SAR1A: variants seen among roughly 807,000 people sequenced by gnomAD.
SAR1A encodes secretion associated Ras related GTPase 1A.
Under a neutral mutation model 22.6 loss-of-function variants are expected in SAR1A, and 6 were observed. The observed-to-expected ratio is 0.27, with a 90% CI of 0.15 to 0.52. The LOEUF (loss-of-function observed/expected upper bound fraction) is 0.52, where lower values mean the gene tolerates loss of function less well. SAR1A is among the 20% of genes least tolerant of loss of function. SAR1A has a pLI of 0.96. For synonymous variants in SAR1A, 70 were observed against 82.2 expected (o/e 0.85, Z 0.80); for missense variants, 145 against 245.1 (o/e 0.59, Z 2.73).
At chr10:70,154,272 T>A (rs745413291) in intron 5 of SAR1A, among the ~76,000 whole-genome samples, 43 of 152,302 alleles carry the variant, frequency 2.8e-4, no homozygotes, top group Middle Eastern at 3.4e-3. Context: ...CCACAAACTA[T>A]CCTCAGGATG....
At chr10:70,161,146 C>G in intron 3 of SAR1A, 77 bp from the exon 4 acceptor site, 1 of 999,612 alleles carries the variant, frequency 1.0e-6, no homozygotes, top group Non-Finnish European at 1.5e-6. Flanking sequence ...AAGCCAATAT[C>G]AATGCTTTCA....
intron 1 of SAR1A, among the ~76,000 whole-genome samples, chr10:70,162,279 G>A (rs1839479545): frequency 6.6e-6 from 1 of 151,200 alleles, no homozygotes; most frequent in Non-Finnish European, 1.5e-5. Flanking sequence ...GTTTGAGGCT[G>A]CAGTGAGGCA....
chr10:70,164,235 G>A, intron 1 of SAR1A: 1 of 568,190 alleles, frequency 1.8e-6, no homozygotes, highest in Non-Finnish European at 3.2e-6. Context: ...AAAAAAATAT[G>A]CATGTATGGT....
chr10:70,159,017 C>T (rs1448394061), intron 4 of SAR1A, among the ~76,000 whole-genome samples: 1 of 152,088 alleles, frequency 6.6e-6, no homozygotes, highest in Non-Finnish European at 1.5e-5. Flanking sequence ...TCCAGATGGT[C>T]TAGGTTCAGT....
At chr10:70,166,859 G>T (rs948926382) in intron 1 of SAR1A, 1 of 151,660 alleles carries the variant, frequency 6.6e-6, no homozygotes, top group Non-Finnish European at 1.5e-5. Flanking sequence ...AATTAGTCAG[G>T]CATGGTGGCA....
chr10:70,169,614 G>A (rs1839598971), intron 1 of SAR1A, among the ~76,000 whole-genome samples: 1 of 152,178 alleles, frequency 6.6e-6, no homozygotes, highest in South Asian at 2.1e-4. Context: ...TACATAATCA[G>A]GGCAACTTTA....
intron 3 of SAR1A, 119 bp downstream of exon 3, chr10:70,161,500 G>T: frequency 8.4e-7 from 1 of 1,196,456 alleles, no homozygotes; most frequent in Non-Finnish European, 1.2e-6. Context: ...GAACTTTCTC[G>T]TATGAGTTGG....
chr10:70,147,637 C>G lies in SAR1A; in HGVS notation c.*4839G>C, dbSNP rs1056672886. The stretch of plus-strand genomic sequence containing the variant: ...AACCTTTCTTTGCTCACAGGCCATA[C>G]AAACACAGGCAGCAGGCCCGATTTG... On this transcript the variant is annotated 3_prime_UTR_variant, in exon 7 of 7. Transcript: ENST00000373241. 6.6e-6 allele frequency: 1 copy of G among 152,212 alleles called. No homozygotes were observed. The highest frequency in any genetic ancestry group is 1.5e-5 in the Non-Finnish European group (1 of 68,034). 9.4% of individuals were successfully genotyped at this position (152,212 alleles called of 1,614,324 possible).
chr10:70,163,876 A>C, intron 1 of SAR1A: 2 of 1,598,220 alleles, frequency 1.3e-6, no homozygotes, highest in Non-Finnish European at 1.7e-6. Context: ...GGCACAATTG[A>C]CTTCCCTGAA....
intron 4 of SAR1A, 89 bp downstream of exon 4, chr10:70,160,915 G>A: frequency 1.3e-6 from 1 of 760,192 alleles, no homozygotes; most frequent in South Asian, 2.0e-5. Flanking sequence ...TAATTTAAAA[G>A]GTAAAAATGA....
chr10:70,165,434 T>C (rs762075049), intron 1 of SAR1A, among the ~76,000 whole-genome samples: 16 of 152,136 alleles, frequency 1.1e-4, no homozygotes, highest in Non-Finnish European at 1.5e-4. Context: ...AAAATATCAA[T>C]ATTAACAGGA....
At chr10:70,159,378 A>G (rs950142919) in intron 4 of SAR1A, among the ~76,000 whole-genome samples, 2 of 152,210 alleles carry the variant, frequency 1.3e-5, no homozygotes, top group Admixed American at 6.5e-5. Flanking sequence ...GACCAATGTT[A>G]TATTTTACTA....
chr10:70,162,847 A>G (rs1839494027), intron 1 of SAR1A: 1 of 152,240 alleles, frequency 6.6e-6, no homozygotes, highest in African/African-American at 2.4e-5. Flanking sequence ...TTCTCACACA[A>G]TATTTCAAAC....
At chr10:70,152,654 A>G in intron 6 of SAR1A, 62 bp from the exon 7 acceptor site, 1 of 1,088,822 alleles carries the variant, frequency 9.2e-7, no homozygotes, top group Non-Finnish European at 1.4e-6. Context: ...GATTGAAAGG[A>G]CGATCATTAC....
chr10:70,170,095 G>A (rs1013591647), intron 1 of SAR1A, among the ~76,000 whole-genome samples: 5 of 152,102 alleles, frequency 3.3e-5, no homozygotes, highest in South Asian at 2.1e-4. Flanking sequence ...AGGCTCTTCC[G>A]AGACAGAGGA....
intron 4 of SAR1A, among the ~76,000 whole-genome samples, chr10:70,159,079 A>T (rs1473304651): frequency 6.6e-6 from 1 of 152,150 alleles, no homozygotes; most frequent in South Asian, 2.1e-4. Context: ...CCTTTTGTGG[A>T]AGCAGCAGAA....
At chr10:70,161,331 T>C (rs1461800192) in intron 3 of SAR1A, 5 of 551,052 alleles carry the variant, frequency 9.1e-6, no homozygotes, top group Non-Finnish European at 1.6e-5. Context: ...GTTCTTAAAC[T>C]ATTCTAAAAG....
At chr10:70,164,659 TAAAGAA>T (rs1361792768) in intron 1 of SAR1A, among the ~76,000 whole-genome samples, 6 of 152,234 alleles carry the variant, frequency 3.9e-5, no homozygotes, top group Admixed American at 1.3e-4. Flanking sequence ...TTTAGCCACT[TAAAGAA>T]AATGTGCTTA....
At position 70,161,037 on chromosome 10, in the gene SAR1A, A is replaced by T; in HGVS notation, c.211T>A (p.Phe71Ile). 6.2e-7 allele frequency: 1 copy of T among 1,613,200 alleles called. No homozygotes were observed. Among genetic ancestry groups the T allele is most frequent in the Non-Finnish European group, 8.5e-7 (1 of 1,179,468 alleles). The part of the protein sequence containing the change: ...SEELTIAGMT[F>I]TTFDLGGHEQ... The stretch of plus-strand genomic sequence containing the variant: ...TGCCCACCAAGATCAAAAGTTGTAA[A>T]GGTCATTCCAGCAATTGTTAGCTCT... Residue 71 changes from phenylalanine (F) to isoleucine (I), a missense_variant, in exon 4 of 7, where the codon TTT (phenylalanine) becomes ATT (isoleucine). Transcript: ENST00000373241.
Sources: gnomAD v4.1 joint callset for allele counts (sites outside exome capture counted in the v4.1 genomes callset) on GRCh38, gnomAD v4.1.1 for gene constraint, MANE v1.5 for transcripts, NCBI Gene and HGNC (gene_info 2026-07-23, HGNC 2026-07-21) for gene names.